CPA6: variants seen among roughly 807,000 people sequenced by gnomAD.
The protein encoded by CPA6 is carboxypeptidase B.
In CPA6, 58 loss-of-function variants were observed where a neutral mutation model predicts 63.3. That is an observed-to-expected ratio of 0.92 (90% CI 0.74 to 1.14). The LOEUF (loss-of-function observed/expected upper bound fraction) is 1.14. Among genes scored for constraint, CPA6 ranks in the 50% most tolerant of loss-of-function variants. The pLI, the probability that CPA6 is intolerant of heterozygous loss-of-function variation, is 0.00. For missense variants in CPA6, 565 were observed against 526.6 expected, an observed-to-expected ratio of 1.07 and a Z score of -0.71; for synonymous variants, 185 against 179.0, an observed-to-expected ratio of 1.03 and a Z score of -0.27.
At chr8:67,587,215 G>A (rs1277072731) in intron 2 of CPA6, among the ~76,000 whole-genome samples, 1 of 152,164 alleles carries the variant, frequency 6.6e-6, no homozygotes, top group African/African-American at 2.4e-5. Flanking sequence ...TAAGGTAATT[G>A]TGATGGATAG....
chr8:67,491,653 GAGA>G (rs1563974506), intron 6 of CPA6, among the ~76,000 whole-genome samples: 1 of 152,112 alleles, frequency 6.6e-6, no homozygotes, highest in Non-Finnish European at 1.5e-5. Context: ...ATTTGCTCAT[GAGA>G]AGAAGCCAGG....
At chr8:67,491,334 T>C (rs1587487297) in intron 6 of CPA6, among the ~76,000 whole-genome samples, 1 of 150,984 alleles carries the variant, frequency 6.6e-6, no homozygotes, top group East Asian at 2.0e-4. Flanking sequence ...AGTTTGAAAG[T>C]AACGAGAAGA....
intron 2 of CPA6, among the ~76,000 whole-genome samples, chr8:67,544,390 T>C (rs1812770256): frequency 6.6e-6 from 1 of 152,136 alleles, no homozygotes; most frequent in South Asian, 2.1e-4. Context: ...GGAGCACCCA[T>C]TGCTTTTTTC....
intron 8 of CPA6, among the ~76,000 whole-genome samples, chr8:67,475,907 TTTCTTTC>T (rs1563968189): frequency 9.9e-6 from 1 of 101,084 alleles, no homozygotes; most frequent in African/African-American, 4.4e-5. Flanking sequence ...TCTTTCTTTC[TTTCTTTC>T]TTTCTTTCTT....
rs368841085 is a variant in CPA6, at chr8:67,517,890, T to C, written c.317+33A>G. 2.7e-5 allele frequency: 43 copies of C among 1,581,038 alleles called. No individual in the cohort carries two copies. The East Asian group carries it at 4.5e-4, about 17-fold the overall frequency. ...ACCATTTGGTTCAGTTTAGTACCAA[T>C]AAATTTTATAGCAAGTGAAAAGGAA... On this transcript the variant is annotated intron_variant, in intron 3 of 10. Transcript: ENST00000297770.
At chr8:67,587,672 G>C (rs1214410611) in intron 2 of CPA6, among the ~76,000 whole-genome samples, 3 of 152,144 alleles carry the variant, frequency 2.0e-5, no homozygotes, top group Admixed American at 2.0e-4. Context: ...AGCTGAGAGA[G>C]CTCCTGTTAG....
At chr8:67,590,428 C>T (rs60053097) in intron 2 of CPA6, among the ~76,000 whole-genome samples, 22,411 of 148,002 alleles carry the variant, frequency 0.15, 2,131 homozygotes, top group African/African-American at 0.26. Context: ...CTGGGTCAAA[C>T]GGTATTTCTA....
intron 1 of CPA6, among the ~76,000 whole-genome samples, chr8:67,742,667 T>G (rs1405795284): frequency 1.3e-5 from 2 of 152,172 alleles, no homozygotes; most frequent in Admixed American, 6.5e-5. Flanking sequence ...AGCAACTTGG[T>G]GAGGAAGGTC....
At chr8:67,575,125 A>G (rs1354823141) in intron 2 of CPA6, among the ~76,000 whole-genome samples, 2 of 152,224 alleles carry the variant, frequency 1.3e-5, no homozygotes, top group East Asian at 1.9e-4. Flanking sequence ...TAACAAATAC[A>G]TGAAAAAAAT....
intron 2 of CPA6, among the ~76,000 whole-genome samples, chr8:67,550,940 T>C (rs1474934926): frequency 1.3e-5 from 2 of 152,196 alleles, no homozygotes; most frequent in East Asian, 1.9e-4. Flanking sequence ...ATTTAGACCT[T>C]TGTCAAAAGC....
At chr8:67,546,553 CT>C (rs1226844834) in intron 2 of CPA6, among the ~76,000 whole-genome samples, 1 of 152,104 alleles carries the variant, frequency 6.6e-6, no homozygotes, top group Non-Finnish European at 1.5e-5. Context: ...GCTTTTGTTT[CT>C]TGTATACCAC....
intron 1 of CPA6, among the ~76,000 whole-genome samples, chr8:67,708,265 G>T (rs7826848): frequency 6.6e-6 from 1 of 152,140 alleles, no homozygotes; most frequent in African/African-American, 2.4e-5. Flanking sequence ...ATAATCAGGC[G>T]AAGGTTCATA....
chr8:67,566,807 C>A (rs915201845), intron 2 of CPA6, among the ~76,000 whole-genome samples: 2 of 152,190 alleles, frequency 1.3e-5, no homozygotes, highest in Non-Finnish European at 2.9e-5. Context: ...GGTTCCAGTG[C>A]ATGAACTCTA....
At chr8:67,605,988 C>T (rs1046388173) in intron 2 of CPA6, among the ~76,000 whole-genome samples, 22 of 151,998 alleles carry the variant, frequency 1.4e-4, no homozygotes, top group African/African-American at 5.1e-4. Flanking sequence ...AGGGTCACTC[C>T]TACCTGTAAA....
chr8:67,487,035 AT>A (rs949808936), intron 6 of CPA6, among the ~76,000 whole-genome samples: 15 of 150,448 alleles, frequency 1.0e-4, no homozygotes, highest in South Asian at 2.1e-4. Context: ...TAAATATTAA[AT>A]TTTTTTTTCT....
chr8:67,471,009 A>G (rs1422160546), intron 8 of CPA6, among the ~76,000 whole-genome samples: 3 of 152,246 alleles, frequency 2.0e-5, no homozygotes, highest in South Asian at 2.1e-4. Flanking sequence ...CGCTTTCCCA[A>G]CCTATGCAGA....
chr8:67,674,386 A>G (rs1199009648), intron 1 of CPA6, among the ~76,000 whole-genome samples: 1 of 152,268 alleles, frequency 6.6e-6, no homozygotes, highest in Non-Finnish European at 1.5e-5. Flanking sequence ...TCAAAGGACC[A>G]CAACTGAAAA....
At chr8:67,561,582 G>A (rs1029494205) in intron 2 of CPA6, among the ~76,000 whole-genome samples, 5 of 152,120 alleles carry the variant, frequency 3.3e-5, no homozygotes, top group African/African-American at 1.2e-4. Flanking sequence ...GAAAGACTGA[G>A]GGAAACTAAA....
rs139938834 is a variant in CPA6 at position 67,520,920 on chromosome 8, C to T, written c.193-2873G>A. On this transcript the variant is annotated intron_variant, in intron 2 of 10. Coordinates refer to ENST00000297770, the MANE Select transcript of CPA6 (RefSeq NM_020361.5). Reference sequence around the variant, plus strand: ...CAGTAGGTCTCACATTCTGGTCTTTCCTGTGGGGTTATTTGTCCCATAAAT... The same window carrying T: ...CAGTAGGTCTCACATTCTGGTCTTTTCTGTGGGGTTATTTGTCCCATAAAT... Among the ~76,000 whole-genome samples, 270 of 152,322 alleles carry T rather than the reference C, an allele frequency of 1.8e-3. 1 individual carries two copies. Among genetic ancestry groups the T allele is most frequent in the Non-Finnish European group, 3.0e-3 (201 of 68,038 alleles).
Sources: gnomAD v4.1 joint callset for allele counts (sites outside exome capture counted in the v4.1 genomes callset) on GRCh38, gnomAD v4.1.1 for gene constraint, MANE v1.5 for transcripts, NCBI Gene and HGNC (gene_info 2026-07-23, HGNC 2026-07-21) for gene names.